GLT8D2: variants seen among roughly 807,000 people sequenced by gnomAD.
GLT8D2 encodes the protein glycosyltransferase 8 domain containing 2, also known as glycosyltransferase 8 domain-containing protein 2.
A neutral mutation model predicts 44.5 loss-of-function variants in GLT8D2; 45 were observed. That is an observed-to-expected ratio of 1.01 (90% CI 0.80 to 1.30). The LOEUF (loss-of-function observed/expected upper bound fraction) is 1.30, where lower values mean the gene tolerates loss of function less well. GLT8D2 is among the 50% of genes most tolerant of loss of function. GLT8D2 has a pLI of 0.00. For synonymous variants in GLT8D2, 156 were observed against 157.2 expected (o/e 0.99, Z 0.06); for missense variants, 400 against 430.4 (o/e 0.93, Z 0.62).
intron 4 of GLT8D2, among the ~76,000 whole-genome samples, chr12:104,013,961 C>T (rs1176239705): frequency 6.6e-6 from 1 of 152,150 alleles, no homozygotes; most frequent in Non-Finnish European, 1.5e-5. Flanking sequence ...CTGGGCTGGT[C>T]TCAAACACCT....
intron 1 of GLT8D2, among the ~76,000 whole-genome samples, chr12:104,061,220 G>T (rs79486217): frequency 0.018 from 2,788 of 152,278 alleles, 87 homozygotes; most frequent in African/African-American, 0.064. Context: ...TCACCCTGCA[G>T]CTCCCTATCT....
intron 1 of GLT8D2, among the ~76,000 whole-genome samples, chr12:104,039,288 C>G (rs1468149555): frequency 6.6e-6 from 1 of 152,026 alleles, no homozygotes; most frequent in African/African-American, 2.4e-5. Flanking sequence ...AGCCAAAATA[C>G]ACAAATGGGA....
At position 104,045,892 on chromosome 12, in the gene GLT8D2, T is replaced by TA. The variant is rs1555281857; in HGVS notation, c.-164+4002dup. 1.2e-4 allele frequency among the ~76,000 whole-genome samples: 14 copies of TA among 112,144 alleles called. No individual in the cohort carries two copies. The East Asian group carries it at 2.9e-3, about 23-fold the overall frequency. 73.6% of individuals were successfully genotyped at this position (112,144 alleles called of 152,430 possible). The stretch of plus-strand genomic sequence containing the variant: ...GTTAAAAAAGAAAAGAAAAGAAAGA[T>TA]AAGAAAGAAAGAAAGAAAGAAAGAA... On this transcript the variant is annotated intron_variant, in intron 1 of 10. Coordinates refer to ENST00000360814, the MANE Select transcript of GLT8D2 (RefSeq NM_001384711.1).
intron 1 of GLT8D2, among the ~76,000 whole-genome samples, chr12:104,023,516 T>A (rs1025167329): frequency 6.6e-6 from 1 of 152,218 alleles, no homozygotes; most frequent in Non-Finnish European, 1.5e-5. Context: ...GCTTCAAAAT[T>A]TGACAAGCTG....
upstream of GLT8D2, among the ~76,000 whole-genome samples, chr12:104,052,741 G>A (rs1881828774): frequency 6.7e-6 from 1 of 150,340 alleles, no homozygotes; most frequent in African/African-American, 2.4e-5. Flanking sequence ...TTTACCCCCA[G>A]CATCTTGTAC....
chr12:104,045,892 TAAGA>T (rs34932758), intron 1 of GLT8D2, among the ~76,000 whole-genome samples: 14,262 of 112,012 alleles, frequency 0.13, 838 homozygotes, highest in Middle Eastern at 0.19. Context: ...AAAAGAAAGA[TAAGA>T]AAGAAAGAAA....
chr12:104,038,705 A>C (rs1052775767), intron 1 of GLT8D2, among the ~76,000 whole-genome samples: 2 of 152,250 alleles, frequency 1.3e-5, no homozygotes, highest in African/African-American at 2.4e-5. Flanking sequence ...AATATCGTGA[A>C]AATGGCCATA....
chr12:103,999,380 G>C lies in GLT8D2; in HGVS notation c.402+17C>G, dbSNP rs200460274. On this transcript the variant is annotated intron_variant, in intron 6 of 10. Transcript: ENST00000360814. ...TCACCAAGGACTGTCCCCAGCACCT[G>C]TGTGGTCCCTACTTACAGGCTGGAG... 71 of 1,412,534 alleles carry C rather than the reference G, an allele frequency of 5.0e-5. No individual in the cohort carries two copies. In the East Asian group the frequency reaches 1.6e-3, roughly 31 times the overall value. The allele number at this position is 1,412,534 out of a possible 1,614,324, so 87.5% of individuals were successfully genotyped here.
intron 7 of GLT8D2, among the ~76,000 whole-genome samples, chr12:103,997,173 G>A (rs1442172059): frequency 2.0e-5 from 3 of 152,154 alleles, no homozygotes; most frequent in African/African-American, 4.8e-5. Context: ...AATGTCATCC[G>A]TGACACTTTA....
intron 1 of GLT8D2, among the ~76,000 whole-genome samples, chr12:104,038,138 C>T (rs1310966154): frequency 1.3e-5 from 2 of 152,142 alleles, no homozygotes; most frequent in Admixed American, 6.5e-5. Flanking sequence ...ACTGATGGAA[C>T]GTGTCTCAAA....
intron 4 of GLT8D2, among the ~76,000 whole-genome samples, chr12:104,008,968 G>C (rs1464358798): frequency 6.6e-6 from 1 of 152,262 alleles, no homozygotes; most frequent in Non-Finnish European, 1.5e-5. Flanking sequence ...GAAATGTCTG[G>C]ATGCCCAGGC....
chr12:104,064,391 G>C (rs1200600664), upstream of GLT8D2: 3 of 558,456 alleles, frequency 5.4e-6, no homozygotes, highest in East Asian at 1.1e-4. This position sits in a 1 kb window ranked among gnomAD's most constrained non-coding sequence, Gnocchi z 7.3. Context: ...CCCCTGTCAG[G>C]ACCCCCCTTC....
At chr12:104,013,525 C>T (rs1326311684) in intron 4 of GLT8D2, among the ~76,000 whole-genome samples, 1 of 152,008 alleles carries the variant, frequency 6.6e-6, no homozygotes, top group Admixed American at 6.5e-5. Context: ...GTATATATGT[C>T]TTTGTATGAA....
At position 104,050,091 on chromosome 12, in the gene GLT8D2, C is replaced by T. The variant is rs998811392; in HGVS notation, c.-360G>A. 6.6e-6 allele frequency: 1 copy of T among 152,282 alleles called. No homozygotes were observed. The highest frequency in any genetic ancestry group is 1.5e-5 in the Non-Finnish European group (1 of 68,070). The allele number at this position is 152,282 out of a possible 1,614,324, so 9.4% of individuals were successfully genotyped here. On this transcript the variant is annotated 5_prime_UTR_variant, in exon 1 of 11. Transcript: ENST00000360814. ...TCCAAAAGAATATTCCTCCCCGACC[C>T]GCACTCCCCTTTGCTTGCGTTGACT...
intron 1 of GLT8D2, among the ~76,000 whole-genome samples, chr12:104,029,044 C>A (rs951712950): frequency 5.3e-5 from 8 of 152,128 alleles, no homozygotes; most frequent in African/African-American, 1.9e-4. Context: ...GTAATCCCAG[C>A]ACTTTGGGAG....
chr12:104,002,415 T>G (rs185857825), intron 5 of GLT8D2, among the ~76,000 whole-genome samples: 10 of 152,362 alleles, frequency 6.6e-5, no homozygotes, highest in Non-Finnish European at 8.8e-5. Flanking sequence ...ATGTTAAAAA[T>G]ACTTGGTCCT....
At chr12:104,028,025 A>G (rs1440582741) in intron 1 of GLT8D2, among the ~76,000 whole-genome samples, 1 of 152,244 alleles carries the variant, frequency 6.6e-6, no homozygotes, top group Non-Finnish European at 1.5e-5. Flanking sequence ...GCAGAGGAAT[A>G]GTAAATGCTG....
chr12:104,027,312 C>T (rs566133614), intron 1 of GLT8D2, among the ~76,000 whole-genome samples: 5 of 152,154 alleles, frequency 3.3e-5, no homozygotes, highest in Non-Finnish European at 5.9e-5. Context: ...ATCTAACTTT[C>T]GGGGATGATG....
intron 1 of GLT8D2, among the ~76,000 whole-genome samples, chr12:104,055,359 G>A (rs977522982): frequency 3.9e-5 from 6 of 152,160 alleles, no homozygotes; most frequent in Non-Finnish European, 5.9e-5. Flanking sequence ...AGAAGTAAAT[G>A]GAAAATATCC....
Sources: allele counts gnomAD v4.1 joint callset (sites outside exome capture counted in the v4.1 genomes callset), GRCh38; gene constraint gnomAD v4.1.1; non-coding constraint Gnocchi (gnomAD v3.1); transcripts MANE v1.5; gene names NCBI Gene and HGNC (gene_info 2026-07-23, HGNC 2026-07-21).